ASMT: variants seen among roughly 807,000 people sequenced by gnomAD.
ASMT encodes acetylserotonin O-methyltransferase, also known as acetylserotonin N-methyltransferase.
In ASMT, 53 loss-of-function variants were observed where a neutral mutation model predicts 41.3. That is an observed-to-expected ratio of 1.28 (90% CI 1.03 to 1.61). ASMT has a LOEUF of 1.61. Among genes scored for constraint, ASMT ranks in the 40% most tolerant of loss-of-function variants. The pLI is 0.00. For synonymous variants in ASMT, 231 were observed against 184.8 expected, an observed-to-expected ratio of 1.25 and a Z score of -2.03; for missense variants, 531 against 441.3, an observed-to-expected ratio of 1.20 and a Z score of -1.82.
At chrX:1,626,430 C>A (rs1934551635) in intron 3 of ASMT, among the ~76,000 whole-genome samples, 1 of 151,920 alleles carries the variant, frequency 6.6e-6, no homozygotes, top group Non-Finnish European at 1.5e-5. Flanking sequence ...CGGGGTTTCA[C>A]CCTGTCTTTG....
Position 1,629,914 on chromosome X carries a change from G to T in ASMT, c.537G>T (p.Val179=), listed in dbSNP as rs1288769034. The T allele has an allele frequency of 2.5e-6, 4 of 1,613,952 alleles. No individual in the cohort carries two copies. Among genetic ancestry groups the T allele is most frequent in the Middle Eastern group, 1.7e-4 (1 of 6,056 alleles). Residue 179 remains valine (V), a synonymous_variant, in exon 5 of 9, where the codon GTG becomes GTT. Coordinates refer to ENST00000381241, the MANE Select transcript of ASMT (RefSeq NM_001171038.2). ...TGCTGACCGCCTTTGACCTGTCAGT[G>T]TTCCCACTTATGTGTGACCTTGGTG... ...RSVLTAFDLS[V]FPLMCDLGGT...
chrX:1,632,101 G>A lies in ASMT; in HGVS notation c.563-603G>A, dbSNP rs759011023. On this transcript the variant is annotated intron_variant, in intron 5 of 8. Coordinates refer to ENST00000381241, the MANE Select transcript of ASMT (RefSeq NM_001171038.2). ...AGAAATAATGGACAAGGAGCATGGG[G>A]CTGGAAGTCTCTGTGGCCCATGATG... 5.9e-5 allele frequency among the ~76,000 whole-genome samples: 9 copies of A among 152,248 alleles called. No homozygotes were observed. The East Asian group carries it at 1.5e-3, about 26-fold the overall frequency.
chrX:1,630,045 G>GT, intron 5 of ASMT, 106 bp downstream of exon 5: 1 of 1,046,872 alleles, frequency 9.6e-7, no homozygotes, highest in Non-Finnish European at 1.5e-6. Flanking sequence ...TTTGACATGT[G>GT]CGGCCTTACT....
intron 1 of ASMT, 73 bp from the exon 2 acceptor site, chrX:1,623,066 G>C: frequency 6.8e-7 from 1 of 1,477,096 alleles, no homozygotes; most frequent in Non-Finnish European, 9.5e-7. Flanking sequence ...GCCTGCCATG[G>C]TATGGGGTGT....
intron 3 of ASMT, among the ~76,000 whole-genome samples, chrX:1,625,542 A>AGGG (rs1934501566): frequency 1.5e-5 from 1 of 68,238 alleles, no homozygotes. Flanking sequence ...GGAAGGAAGG[A>AGGG]AGGGAGGGAG....
chrX:1,629,516 G>A (rs1934689153), intron 4 of ASMT, among the ~76,000 whole-genome samples: 3 of 152,120 alleles, frequency 2.0e-5, no homozygotes, highest in South Asian at 4.1e-4. Flanking sequence ...TGTGGATGGG[G>A]GAACGTATTA....
intron 2 of ASMT, among the ~76,000 whole-genome samples, chrX:1,623,699 C>T (rs1367373726): frequency 1.3e-5 from 2 of 152,042 alleles, no homozygotes; most frequent in Non-Finnish European, 2.9e-5. Context: ...CTGGGGGATT[C>T]CTTGAGCCCA....
At chrX:1,616,926 T>C (rs1411940410) in intron 1 of ASMT, among the ~76,000 whole-genome samples, 15 of 151,854 alleles carry the variant, frequency 9.9e-5, no homozygotes, top group Non-Finnish European at 2.2e-4. Flanking sequence ...GCCAGGATGG[T>C]CTCGATCTCC....
In ASMT at chrX:1,642,091, C is replaced by CTG. The variant is rs1174897365; in HGVS notation, c.911-697_911-696dup. Among the ~76,000 whole-genome samples the CTG allele has an allele frequency of 6.5e-3, 912 of 139,526 alleles. 28 individuals are homozygous for CTG. The highest frequency in any genetic ancestry group is 0.019 in the Admixed American group (249 of 13,330). 91.5% of individuals were successfully genotyped at this position (139,526 alleles called of 152,430 possible). A position where few individuals can be genotyped will look rare whatever the true frequency, so the allele number is the denominator to read the frequency against. ...GCCCATGAGGATGTGGGCACAGCCTCTGTGTGTGTGTGTGTGATGGGGACG... is the reference window on the plus strand; with the variant it reads ...GCCCATGAGGATGTGGGCACAGCCTCTGTGTGTGTGTGTGTGTGATGGGGACG... On this transcript the variant is annotated intron_variant, in intron 8 of 8. Transcript: ENST00000381241.
intron 7 of ASMT, 32 bp downstream of exon 7, chrX:1,633,322 T>A: frequency 6.2e-7 from 1 of 1,613,658 alleles, no homozygotes; most frequent in Non-Finnish European, 8.5e-7. Flanking sequence ...AGCAGAGATG[T>A]GTCTCACGGC....
intron 4 of ASMT, among the ~76,000 whole-genome samples, chrX:1,629,289 G>C (rs1412368813): frequency 6.6e-6 from 1 of 152,144 alleles, no homozygotes; most frequent in Non-Finnish European, 1.5e-5. Flanking sequence ...CCTACAGCAG[G>C]CTCTGCAGAG....
In ASMT at chrX:1,633,206, A is replaced by T; in HGVS notation, c.703A>T (p.Thr235Ser). 1 of 1,613,782 alleles carries T rather than the reference A, an allele frequency of 6.2e-7. No individual in the cohort carries two copies. Among genetic ancestry groups the T allele is most frequent in the Non-Finnish European group, 8.5e-7 (1 of 1,179,810 alleles). Reference protein sequence around the residue: ...CMSLYPGCKITVFDIPEVVWT... With the variant: ...CMSLYPGCKISVFDIPEVVWT... Reference sequence around the variant, plus strand: ...GTCTCTGTACCCTGGATGTAAGATCACCGTTTTTGACATCCCAGAAGTGGT... The same window carrying T: ...GTCTCTGTACCCTGGATGTAAGATCTCCGTTTTTGACATCCCAGAAGTGGT... Residue 235 changes from threonine (T) to serine (S), a missense_variant, in exon 7 of 9, where the codon ACC (threonine) becomes TCC (serine). By Grantham distance (58) the Thr-to-Ser change is moderately conservative. Coordinates refer to ENST00000381241, the MANE Select transcript of ASMT (RefSeq NM_001171038.2).
intron 1 of ASMT, among the ~76,000 whole-genome samples, chrX:1,622,781 A>G (rs1934382475): frequency 1.3e-5 from 2 of 151,336 alleles, no homozygotes; most frequent in Admixed American, 1.3e-4. Flanking sequence ...GCATGGTGGA[A>G]CAGGCCTGTA....
At chrX:1,632,989 A>T in intron 6 of ASMT, 161 bp from the exon 7 acceptor site, 2 of 223,172 alleles carry the variant, frequency 9.0e-6, no homozygotes, top group Non-Finnish European at 1.5e-5. Context: ...CTGCACATGT[A>T]CCCTAGAACT....
intron 4 of ASMT, among the ~76,000 whole-genome samples, chrX:1,628,626 C>G (rs1426800055): frequency 1.3e-5 from 2 of 150,242 alleles, no homozygotes; most frequent in South Asian, 2.1e-4. Flanking sequence ...TCCTTCTGTC[C>G]TGTTCCCTCT....
chrX:1,626,888 G>A (rs1310940431), intron 3 of ASMT, among the ~76,000 whole-genome samples: 1 of 151,850 alleles, frequency 6.6e-6, no homozygotes, highest in Non-Finnish European at 1.5e-5. Context: ...AATGAGCCAG[G>A]CATGGTGGCG....
At chrX:1,641,693 G>C (rs1286161603) in intron 8 of ASMT, among the ~76,000 whole-genome samples, 2 of 148,188 alleles carry the variant, frequency 1.3e-5, no homozygotes, top group African/African-American at 2.5e-5. Context: ...CTCTGTGTGA[G>C]ATGGGGACAG....
chrX:1,617,979 G>A, intron 1 of ASMT, among the ~76,000 whole-genome samples: 1 of 151,838 alleles, frequency 6.6e-6, no homozygotes, highest in East Asian at 2.0e-4. Context: ...CTCCTTCCTG[G>A]TTTGTAGAGC....
At chrX:1,629,093 TA>T in intron 4 of ASMT, among the ~76,000 whole-genome samples, 1 of 151,662 alleles carries the variant, frequency 6.6e-6, no homozygotes, top group Non-Finnish European at 1.5e-5. Flanking sequence ...TATATATATA[TA>T]TATGTGTGTA....
Sources: allele counts gnomAD v4.1 joint callset (sites outside exome capture counted in the v4.1 genomes callset), GRCh38; gene constraint gnomAD v4.1.1; transcripts MANE v1.5; gene names NCBI Gene and HGNC (gene_info 2026-07-23, HGNC 2026-07-21).